HSDL2: variants seen among roughly 807,000 people sequenced by gnomAD.
HSDL2 encodes the protein hydroxysteroid dehydrogenase-like protein 2.
Under a neutral mutation model 46.3 loss-of-function variants are expected in HSDL2, and 27 were observed. The ratio of observed to expected loss-of-function variants is 0.58; its 90% CI spans 0.43 to 0.80. The LOEUF (loss-of-function observed/expected upper bound fraction) is 0.80. Among genes scored for constraint, HSDL2 ranks in the 30% least tolerant of loss-of-function variants. The pLI is 0.00. For missense variants in HSDL2, 451 were observed against 502.7 expected (o/e 0.90, Z 0.98); for synonymous variants, 153 against 163.6 (o/e 0.94, Z 0.50).
intron 5 of HSDL2, among the ~76,000 whole-genome samples, chr9:112,418,641 C>T (rs1355120461): frequency 6.6e-6 from 1 of 150,914 alleles, no homozygotes; most frequent in Admixed American, 6.6e-5. Context: ...TATTTTCTTC[C>T]TGATATATAT....
chr9:112,403,429 T>C (rs76290152), intron 1 of HSDL2, among the ~76,000 whole-genome samples: 205 of 152,396 alleles, frequency 1.3e-3, no homozygotes, highest in African/African-American at 4.7e-3. Flanking sequence ...TTGCGGAACA[T>C]TATTTCATTG....
At chr9:112,411,997 T>C (rs1381622911) in intron 4 of HSDL2, among the ~76,000 whole-genome samples, 2 of 152,232 alleles carry the variant, frequency 1.3e-5, no homozygotes, top group Non-Finnish European at 2.9e-5. Flanking sequence ...GTTTCTATTA[T>C]AGATGATGAA....
intron 5 of HSDL2, among the ~76,000 whole-genome samples, 174 bp downstream of exon 5, chr9:112,417,118 A>T (rs1472468462): frequency 6.6e-6 from 1 of 152,188 alleles, no homozygotes; most frequent in Non-Finnish European, 1.5e-5. Flanking sequence ...TCTGTAATTT[A>T]AAAAATTGAG....
chr9:112,402,391 TACAA>T (rs549861184), intron 1 of HSDL2, among the ~76,000 whole-genome samples: 156 of 152,074 alleles, frequency 1.0e-3, no homozygotes, highest in Non-Finnish European at 1.9e-3. Flanking sequence ...ACCCTGTCTG[TACAA>T]ACAATTTTAA....
intron 10 of HSDL2, among the ~76,000 whole-genome samples, chr9:112,460,509 G>A: frequency 6.6e-6 from 1 of 152,222 alleles, no homozygotes; most frequent in East Asian, 1.9e-4. Flanking sequence ...AATGCTTTGG[G>A]AGGCCAAGGT....
At chr9:112,445,562 T>C (rs1832738269) in intron 8 of HSDL2, among the ~76,000 whole-genome samples, 1 of 152,144 alleles carries the variant, frequency 6.6e-6, no homozygotes, top group Non-Finnish European at 1.5e-5. Context: ...AGAGTCTCTA[T>C]CACCCTGGCT....
chr9:112,416,787 G>A, intron 4 of HSDL2, 54 bp from the exon 5 acceptor site: 2 of 863,452 alleles, frequency 2.3e-6, no homozygotes, highest in Non-Finnish European at 3.8e-6. Flanking sequence ...AAAAAAAAGT[G>A]GAGAAATTGT....
chr9:112,463,234 G>A (rs535006882), intron 10 of HSDL2, among the ~76,000 whole-genome samples: 1 of 150,304 alleles, frequency 6.7e-6, no homozygotes, highest in South Asian at 2.1e-4. Flanking sequence ...GGAATTGCTA[G>A]GTCATATGGT....
At chr9:112,456,855 A>G (rs1421723673) in intron 9 of HSDL2, among the ~76,000 whole-genome samples, 2 of 152,136 alleles carry the variant, frequency 1.3e-5, no homozygotes, top group East Asian at 1.9e-4. Flanking sequence ...CTCTCTCTGC[A>G]TGCCTTGAAA....
At chr9:112,408,514 C>T (rs1003917872) in intron 3 of HSDL2, among the ~76,000 whole-genome samples, 13 of 152,118 alleles carry the variant, frequency 8.5e-5, no homozygotes, top group Non-Finnish European at 1.6e-4. Context: ...CTGAGAAAGG[C>T]ATTATTAGGT....
intron 4 of HSDL2, among the ~76,000 whole-genome samples, chr9:112,410,242 G>T (rs865992629): frequency 5.3e-5 from 8 of 152,250 alleles, no homozygotes; most frequent in Middle Eastern, 3.4e-3. Flanking sequence ...TTACCCTCTG[G>T]TTCTATATTT....
rs1027150872 is a variant in HSDL2 at position 112,438,686 on chromosome 9, A to G, written c.793+61A>G. 1.3e-5 allele frequency: 13 copies of G among 991,800 alleles called. No homozygotes were observed. In the Admixed American group the frequency reaches 2.1e-4, roughly 16 times the overall value. 61.4% of individuals were successfully genotyped at this position (991,800 alleles called of 1,614,324 possible). A position where few individuals can be genotyped will look rare whatever the true frequency, so the allele number is the denominator to read the frequency against. ...TTTTTCCATATTTTCTGCAATGAAC[A>G]TATCTGTTTTTTGTGTGTGTTTGTG... On this transcript the variant is annotated intron_variant, in intron 7 of 10. Coordinates refer to ENST00000398805, the MANE Select transcript of HSDL2 (RefSeq NM_032303.5).
chr9:112,453,876 T>C, intron 8 of HSDL2, 137 bp from the exon 9 acceptor site: 2 of 652,588 alleles, frequency 3.1e-6, no homozygotes, highest in Non-Finnish European at 5.2e-6. Flanking sequence ...TGCTTTTAGA[T>C]GCCACTTAAT....
At chr9:112,450,850 A>G (rs1221055867) in intron 8 of HSDL2, among the ~76,000 whole-genome samples, 2 of 152,112 alleles carry the variant, frequency 1.3e-5, no homozygotes, top group Non-Finnish European at 2.9e-5. Flanking sequence ...TTAATTGCAT[A>G]GACTCCCATT....
chr9:112,415,334 T>C (rs1172678062), intron 4 of HSDL2, among the ~76,000 whole-genome samples: 1 of 152,238 alleles, frequency 6.6e-6, no homozygotes, highest in African/African-American at 2.4e-5. Context: ...CGATTGTTTA[T>C]TTCATGTTTA....
chr9:112,431,051 C>T (rs1432143347), intron 6 of HSDL2, among the ~76,000 whole-genome samples: 1 of 95,638 alleles, frequency 1.0e-5, no homozygotes, highest in African/African-American at 3.9e-5. Context: ...GATTCCAACT[C>T]AAAAAAAAAA....
At chr9:112,425,178 A>C (rs1231096684) in intron 6 of HSDL2, among the ~76,000 whole-genome samples, 1 of 151,988 alleles carries the variant, frequency 6.6e-6, no homozygotes, top group Non-Finnish European at 1.5e-5. Context: ...CATCCTTTCT[A>C]CTACTTAATG....
chr9:112,400,744 GCTT>G (rs1042949113), intron 1 of HSDL2, among the ~76,000 whole-genome samples: 1 of 152,212 alleles, frequency 6.6e-6, no homozygotes, highest in Non-Finnish European at 1.5e-5. Flanking sequence ...ATCCTTCCTT[GCTT>G]CTTCCCAGCT....
At chr9:112,457,269 G>A (rs1232673367) in intron 9 of HSDL2, among the ~76,000 whole-genome samples, 2 of 152,204 alleles carry the variant, frequency 1.3e-5, no homozygotes, top group Admixed American at 6.5e-5. Context: ...TTATACTTTG[G>A]TTGTCACAAA....
Sources: allele counts gnomAD v4.1 joint callset (sites outside exome capture counted in the v4.1 genomes callset), GRCh38; gene constraint gnomAD v4.1.1; transcripts MANE v1.5; gene names NCBI Gene and HGNC (gene_info 2026-07-23, HGNC 2026-07-21).